The following LRRC49 variants were observed in gnomAD, a reference collection of about 807,000 sequenced individuals.
LRRC49 encodes leucine rich repeat containing 49.
In LRRC49, 50 loss-of-function variants were observed where a neutral mutation model predicts 83.3. That is an observed-to-expected ratio of 0.60 (90% CI 0.48 to 0.76). The LOEUF (loss-of-function observed/expected upper bound fraction) is 0.76. Among genes scored for constraint, LRRC49 ranks in the 30% least tolerant of loss-of-function variants. The pLI is 0.00. For missense variants in LRRC49, 704 were observed against 809.1 expected (o/e 0.87, Z 1.58); for synonymous variants, 286 against 283.3 (o/e 1.01, Z -0.10).
chr15:70,995,193 A>G (rs1354767932), intron 11 of LRRC49, among the ~76,000 whole-genome samples: 1 of 152,256 alleles, frequency 6.6e-6, no homozygotes, highest in African/African-American at 2.4e-5. Context: ...TCTAGGCGAG[A>G]TTTTTAAAGA....
intron 15 of LRRC49, among the ~76,000 whole-genome samples, chr15:71,040,399 A>G (rs2039662343): frequency 1.3e-5 from 2 of 152,146 alleles, no homozygotes; most frequent in African/African-American, 4.8e-5. Flanking sequence ...GCCTTTAACC[A>G]GTGGAATATG....
intron 14 of LRRC49, among the ~76,000 whole-genome samples, chr15:71,019,859 G>C (rs535367537): frequency 6.6e-6 from 1 of 152,180 alleles, no homozygotes; most frequent in South Asian, 2.1e-4. Context: ...CTTTCATCTT[G>C]TCTCAAAGAA....
intron 8 of LRRC49, among the ~76,000 whole-genome samples, chr15:70,958,633 T>C (rs183053744): frequency 1.2e-3 from 184 of 152,368 alleles, no homozygotes; most frequent in African/African-American, 4.3e-3. Flanking sequence ...GGAAAAATTA[T>C]GTTTGTTCAA....
At chr15:70,902,890 T>C (rs988456799) in intron 4 of LRRC49, among the ~76,000 whole-genome samples, 2 of 152,208 alleles carry the variant, frequency 1.3e-5, no homozygotes, top group African/African-American at 2.4e-5. Flanking sequence ...CTAGTTATTA[T>C]GTATGTTTGC....
intron 7 of LRRC49, among the ~76,000 whole-genome samples, chr15:70,921,072 T>C (rs2034988287): frequency 1.3e-5 from 2 of 152,168 alleles, no homozygotes. Flanking sequence ...AGTATCTGGG[T>C]ATCCTGTGCA....
At chr15:70,961,880 A>G (rs1175452902) in intron 8 of LRRC49, among the ~76,000 whole-genome samples, 3 of 152,194 alleles carry the variant, frequency 2.0e-5, no homozygotes, top group Non-Finnish European at 4.4e-5. Context: ...AAGCCTTAAT[A>G]TATGCAAATG....
chr15:70,983,546 C>A (rs1463952945), intron 10 of LRRC49, among the ~76,000 whole-genome samples: 1 of 152,046 alleles, frequency 6.6e-6, no homozygotes, highest in Non-Finnish European at 1.5e-5. Context: ...AGTACAATTT[C>A]TTTTAATAGT....
At position 70,984,113 on chromosome 15, in the gene LRRC49, T is replaced by A. The variant is rs1397190668; in HGVS notation, c.1025T>A (p.Ile342Asn). Residue 342 changes from isoleucine to asparagine, a missense_variant, in exon 11 of 16, where the codon ATT becomes AAT. Transcript: ENST00000260382. ...TCATAGGAGAAGAAAAGGTTAACAA[T>A]TAACAACGTAGCTCGACAGTGGGAC... The part of the protein sequence containing the change: ...SLLKEKKRLT[I>N]NNVARQWDLQ... The A allele has an allele frequency of 6.2e-7, 1 of 1,611,770 alleles. No individual in the cohort carries two copies. The highest frequency in any genetic ancestry group is 1.3e-5 in the African/African-American group (1 of 74,694).
At chr15:70,974,846 A>G (rs2037150489) in intron 9 of LRRC49, among the ~76,000 whole-genome samples, 1 of 152,210 alleles carries the variant, frequency 6.6e-6, no homozygotes, top group Non-Finnish European at 1.5e-5. Flanking sequence ...CCTAGTCTAG[A>G]AAAGTAAGCA....
intron 1 of LRRC49, chr15:70,859,181 G>A (rs750495190): frequency 4.3e-5 from 63 of 1,477,214 alleles, no homozygotes; most frequent in Non-Finnish European, 5.8e-5. Flanking sequence ...TCTGAGCCAG[G>A]AGAAGCTGAA....
chr15:70,861,477 C>T (rs968090380), intron 1 of LRRC49, among the ~76,000 whole-genome samples: 3 of 142,480 alleles, frequency 2.1e-5, no homozygotes, highest in South Asian at 2.3e-4. Flanking sequence ...GAATGGAAGT[C>T]GGGTCATTGC....
chr15:70,907,657 C>T (rs1050081606), intron 5 of LRRC49, among the ~76,000 whole-genome samples: 2 of 152,264 alleles, frequency 1.3e-5, no homozygotes, highest in South Asian at 4.1e-4. Flanking sequence ...GTTTCTGACA[C>T]CTGAAAAGCT....
At chr15:70,892,731 G>A (rs1185450254), upstream of LRRC49, 2 of 1,508,226 alleles carry the variant, frequency 1.3e-6, no homozygotes, top group Admixed American at 2.2e-5. Flanking sequence ...TGCAACGACT[G>A]TGTGGCTCTA....
At chr15:70,909,253 A>G (rs562921688) in intron 5 of LRRC49, among the ~76,000 whole-genome samples, 6 of 152,320 alleles carry the variant, frequency 3.9e-5, no homozygotes, top group African/African-American at 7.2e-5. Context: ...TAATTAATTC[A>G]ATAATATAGG....
intron 8 of LRRC49, among the ~76,000 whole-genome samples, chr15:70,952,282 AAT>A (rs1332990566): frequency 6.6e-6 from 1 of 150,566 alleles, no homozygotes; most frequent in Non-Finnish European, 1.5e-5. Context: ...TTGTAGTCTG[AAT>A]TAGAGAGTAG....
At chr15:70,996,065 G>C (rs2038065564) in intron 11 of LRRC49, among the ~76,000 whole-genome samples, 1 of 152,194 alleles carries the variant, frequency 6.6e-6, no homozygotes, top group East Asian at 1.9e-4. Context: ...TATGTTTAAA[G>C]TGTCATGGAA....
rs184482249 is a variant in LRRC49 at position 70,862,449 on chromosome 15, G to A, written c.-299+8980G>A. On this transcript the variant is annotated intron_variant, in intron 1 of 16. Transcript: ENST00000544974. ...AAAAATTAGCTGGGCATGGTGGCAC[G>A]TGCCTGTAGTCCCAGCTACTCAGGA... is the stretch of plus-strand genomic sequence containing the variant. Among the ~76,000 whole-genome samples the A allele has an allele frequency of 6.8e-3, 1,030 of 151,906 alleles. 7 individuals are homozygous for A. Among genetic ancestry groups the A allele is most frequent in the African/African-American group, 0.016 (651 of 41,420 alleles).
chr15:70,872,883 CTTTTTTTTT>C (rs781035902), intron 1 of LRRC49: 21 of 166,154 alleles, frequency 1.3e-4, no homozygotes, highest in Non-Finnish European at 2.0e-4. Context: ...CTTGACATAA[CTTTTTTTTT>C]TTTTTTTTTT....
At chr15:70,964,081 T>G in intron 9 of LRRC49, 149 bp downstream of exon 9, 1 of 637,038 alleles carries the variant, frequency 1.6e-6, no homozygotes, top group East Asian at 3.3e-5. Context: ...ATTATGTAGT[T>G]TTTACTGCCT....
Sources: allele counts gnomAD v4.1 joint callset (sites outside exome capture counted in the v4.1 genomes callset), GRCh38; gene constraint gnomAD v4.1.1; transcripts MANE v1.5; gene names NCBI Gene and HGNC (gene_info 2026-07-23, HGNC 2026-07-21).